HILPDA: variants seen among roughly 807,000 people sequenced by gnomAD.
HILPDA encodes the protein hypoxia-inducible lipid droplet-associated protein.
For missense variants in HILPDA, 72 were observed against 73.5 expected (o/e 0.98, Z 0.08); for synonymous variants, 37 against 33.2 (o/e 1.12, Z -0.40).
In HILPDA at chr7:128,455,941, G is replaced by A. The variant is rs1467632648; in HGVS notation, c.-151G>A. The A allele has an allele frequency of 1.1e-5, 5 of 456,494 alleles. No homozygotes were observed. The highest frequency in any genetic ancestry group is 1.0e-4 in the African/African-American group (5 of 50,072). The allele number at this position is 456,494 out of a possible 1,614,324, so 28.3% of individuals were successfully genotyped here. A position where few individuals can be genotyped will look rare whatever the true frequency, so the allele number is the denominator to read the frequency against. ...TTTGTGGCGGGAAGCTTCTGCGCTG[G>A]TGCTTAGTAACCGACTTTCCTCCGG... On this transcript the variant is annotated 5_prime_UTR_variant, in exon 1 of 2. The change creates a new upstream start codon in the 5' untranslated region. Transcript: ENST00000257696.
chr7:128,457,466 C>A lies in HILPDA; in HGVS notation c.*6C>A, dbSNP rs904070814. 1.9e-6 allele frequency: 3 copies of A among 1,613,660 alleles called. No homozygotes were observed. The highest frequency in any genetic ancestry group is 2.5e-6 in the Non-Finnish European group (3 of 1,179,740). ...ATCCATCCAGAAGCATGTGATAAGA[C>A]CTCCTTCCATACTGGCCATATTTTG... On this transcript the variant is annotated 3_prime_UTR_variant, in exon 2 of 2. Coordinates refer to ENST00000257696, the MANE Select transcript of HILPDA (RefSeq NM_013332.4).
Position 128,457,722 on chromosome 7 carries a change from G to A in HILPDA, c.*262G>A, listed in dbSNP as rs1225456084. On this transcript the variant is annotated 3_prime_UTR_variant, in exon 2 of 2. Coordinates refer to ENST00000257696, the MANE Select transcript of HILPDA (RefSeq NM_013332.4). ...AGGTCAGGAGTTCGAGACCAGCCTC[G>A]CCAACATGGCGAAACCCCATCTCTA... 25 of 313,418 alleles carry A rather than the reference G, an allele frequency of 8.0e-5. No individual in the cohort carries two copies. Among genetic ancestry groups the A allele is most frequent in the Admixed American group, 4.4e-4 (11 of 24,848 alleles). 19.4% of individuals were successfully genotyped at this position (313,418 alleles called of 1,614,324 possible).
At position 128,458,372 on chromosome 7, in the gene HILPDA, G is replaced by A. The variant is rs1799575297; in HGVS notation, c.*912G>A. The A allele has an allele frequency of 6.0e-6, 1 of 166,998 alleles. No homozygotes were observed. Among genetic ancestry groups the A allele is most frequent in the African/African-American group, 2.4e-5 (1 of 41,436 alleles). The allele number at this position is 166,998 out of a possible 1,614,324, so 10.3% of individuals were successfully genotyped here. On this transcript the variant is annotated 3_prime_UTR_variant, in exon 2 of 2. Coordinates refer to ENST00000257696, the MANE Select transcript of HILPDA (RefSeq NM_013332.4). Reference sequence around the variant, plus strand: ...GTTATGGACATTGTGGCCACCATGTGGCTTAAATGATTTTTTCTAACTAAT... The same window carrying A: ...GTTATGGACATTGTGGCCACCATGTAGCTTAAATGATTTTTTCTAACTAAT...
chr7:128,455,974 C>T lies in HILPDA; in HGVS notation c.-118C>T, dbSNP rs763454729. The T allele has an allele frequency of 4.4e-6, 2 of 456,656 alleles. No homozygotes were observed. Among genetic ancestry groups the T allele is most frequent in the South Asian group, 3.1e-5 (2 of 64,564 alleles). 28.3% of individuals were successfully genotyped at this position (456,656 alleles called of 1,614,324 possible). A position where few individuals can be genotyped will look rare whatever the true frequency, so the allele number is the denominator to read the frequency against. On this transcript the variant is annotated 5_prime_UTR_variant, in exon 1 of 2. Coordinates refer to ENST00000257696, the MANE Select transcript of HILPDA (RefSeq NM_013332.4). Reference sequence around the variant, plus strand: ...TAACCGACTTTCCTCCGGACTCCTGCACGACCTGCTCCTACAGCCGGCGAT... The same window carrying T: ...TAACCGACTTTCCTCCGGACTCCTGTACGACCTGCTCCTACAGCCGGCGAT...
intron 1 of HILPDA, chr7:128,456,267 A>G (rs1321094389): frequency 3.3e-6 from 1 of 301,402 alleles, no homozygotes; most frequent in African/African-American, 2.3e-5. Flanking sequence ...ATGCCCTCCC[A>G]GAGCACCTTC....
At position 128,456,082 on chromosome 7, in the gene HILPDA, G is replaced by T. The variant is rs1345004077; in HGVS notation, c.-69+59G>T. The T allele has an allele frequency of 9.5e-6, 4 of 420,220 alleles. No individual in the cohort carries two copies. The East Asian group carries it at 2.9e-4, about 30-fold the overall frequency. The allele number at this position is 420,220 out of a possible 1,614,324, so 26.0% of individuals were successfully genotyped here. On this transcript the variant is annotated intron_variant, in intron 1 of 1. Transcript: ENST00000257696. Reference sequence around the variant, plus strand: ...CCCCCATCGCTAGAGTGCTCGCCGCGCTAGCAGCCTCGCGTTCCAGGGCTG... The same window carrying T: ...CCCCCATCGCTAGAGTGCTCGCCGCTCTAGCAGCCTCGCGTTCCAGGGCTG...
chr7:128,456,079 C>T (rs1799536264), intron 1 of HILPDA, 56 bp downstream of exon 1: 13 of 423,390 alleles, frequency 3.1e-5, no homozygotes, highest in South Asian at 2.1e-4. Context: ...GAGTGCTCGC[C>T]GCGCTAGCAG....
chr7:128,456,265 C>T lies in HILPDA; in HGVS notation c.-69+242C>T, dbSNP rs754234387. 6.2e-4 allele frequency: 187 copies of T among 301,938 alleles called. 1 individual carries two copies. Among genetic ancestry groups the T allele is most frequent in the Middle Eastern group, 1.2e-3 (1 of 814 alleles). The allele number at this position is 301,938 out of a possible 1,614,324, so 18.7% of individuals were successfully genotyped here. A position where few individuals can be genotyped will look rare whatever the true frequency, so the allele number is the denominator to read the frequency against. ...AGTTAGGCATCCCTGCCATGCCCTC[C>T]CAGAGCACCTTCACGATCTCCTTGC... On this transcript the variant is annotated intron_variant, in intron 1 of 1. Coordinates refer to ENST00000257696, the MANE Select transcript of HILPDA (RefSeq NM_013332.4).
intron 1 of HILPDA, chr7:128,456,357 G>C (rs1799541027): frequency 4.8e-6 from 1 of 208,632 alleles, no homozygotes; most frequent in Non-Finnish European, 9.9e-6. Flanking sequence ...TGTGGCCCTA[G>C]TATCTTCCAG....
chr7:128,457,300 G>A lies in HILPDA; in HGVS notation c.32G>A (p.Gly11Asp). 2 of 1,613,914 alleles carry A rather than the reference G, an allele frequency of 1.2e-6. No homozygotes were observed. Among genetic ancestry groups the A allele is most frequent in the Non-Finnish European group, 1.7e-6 (2 of 1,179,906 alleles). The change falls in exon 2 of 2, where the codon GGT (glycine) becomes GAT (aspartate). Residue 11 changes from glycine (G) to aspartate (D), a missense_variant. Physicochemically the swap from Gly to Asp is moderately conservative, Grantham distance 94 (BLOSUM62 -1). Transcript: ENST00000257696. ...CATGTGTTGAACCTCTACCTGTTAG[G>A]TGTGGTACTGACCCTACTCTCCATC... Reference protein sequence around the residue: MKHVLNLYLLGVVLTLLSIFV... With the variant: MKHVLNLYLLDVVLTLLSIFV...
In HILPDA at chr7:128,457,612, C is replaced by T; in HGVS notation, c.*152C>T. The T allele has an allele frequency of 1.3e-6, 1 of 751,996 alleles. No homozygotes were observed. The highest frequency in any genetic ancestry group is 2.7e-5 in the East Asian group (1 of 36,748). 46.6% of individuals were successfully genotyped at this position (751,996 alleles called of 1,614,324 possible). ...ACCTGTCTAACTGGATGCTCATTGCCTGGGCAAGGCCTGTTTAGGCCGGTT... is the reference window on the plus strand; with the variant it reads ...ACCTGTCTAACTGGATGCTCATTGCTTGGGCAAGGCCTGTTTAGGCCGGTT... On this transcript the variant is annotated 3_prime_UTR_variant, in exon 2 of 2. Transcript: ENST00000257696.
Position 128,456,029 on chromosome 7 carries a change from C to G in HILPDA, c.-69+6C>G, listed in dbSNP as rs766092909. ...TCCCGGCTGTTCCCCCGGAGGTGAGCGGCCCTGTGGGCTTCCCCGGCTCCC... is the reference window on the plus strand; with the variant it reads ...TCCCGGCTGTTCCCCCGGAGGTGAGGGGCCCTGTGGGCTTCCCCGGCTCCC... On this transcript the variant is annotated splice_donor_region_variant and intron_variant, in intron 1 of 1. Transcript: ENST00000257696. 4.6e-5 allele frequency: 21 copies of G among 455,462 alleles called. No homozygotes were observed. Among genetic ancestry groups the G allele is most frequent in the South Asian group, 3.1e-4 (20 of 64,468 alleles). 28.2% of individuals were successfully genotyped at this position (455,462 alleles called of 1,614,324 possible).
rs762505264 is a variant in HILPDA, at chr7:128,457,448, C to T, written c.180C>T (p.Ser60=). 10 of 1,614,146 alleles carry T rather than the reference C, an allele frequency of 6.2e-6. No homozygotes were observed. The highest frequency in any genetic ancestry group is 5.0e-5 in the Admixed American group (3 of 60,026). Residue 60 remains serine (S), a synonymous_variant, in exon 2 of 2, where the codon TCC becomes TCT. Coordinates refer to ENST00000257696, the MANE Select transcript of HILPDA (RefSeq NM_013332.4). ...CCAAGGGCCTTCCAGACCATCCATC[C>T]AGAAGCATGTGATAAGACCTCCTTC... ...EPTKGLPDHP[S]RSM is the part of the protein sequence containing the mutation.
In HILPDA at chr7:128,458,371, T is replaced by C. The variant is rs1364123169; in HGVS notation, c.*911T>C. The C allele has an allele frequency of 6.0e-6, 1 of 167,128 alleles. No homozygotes were observed. Among genetic ancestry groups the C allele is most frequent in the Non-Finnish European group, 1.5e-5 (1 of 68,132 alleles). The allele number at this position is 167,128 out of a possible 1,614,324, so 10.4% of individuals were successfully genotyped here. On this transcript the variant is annotated 3_prime_UTR_variant, in exon 2 of 2. Transcript: ENST00000257696. ...AGTTATGGACATTGTGGCCACCATG[T>C]GGCTTAAATGATTTTTTCTAACTAA...
chr7:128,456,953 C>T (rs1322905344), intron 1 of HILPDA, among the ~76,000 whole-genome samples: 1 of 152,198 alleles, frequency 6.6e-6, no homozygotes, highest in East Asian at 1.9e-4. Context: ...TGAGCCACCG[C>T]GCCTGGCCTA....
rs547785215 is a variant in HILPDA at position 128,457,562 on chromosome 7, G to C, written c.*102G>C. 7.2e-6 allele frequency: 8 copies of C among 1,115,298 alleles called. No homozygotes were observed. The highest frequency in any genetic ancestry group is 1.1e-5 in the Non-Finnish European group (8 of 753,248). The allele number at this position is 1,115,298 out of a possible 1,614,324, so 69.1% of individuals were successfully genotyped here. On this transcript the variant is annotated 3_prime_UTR_variant, in exon 2 of 2. Coordinates refer to ENST00000257696, the MANE Select transcript of HILPDA (RefSeq NM_013332.4). ...GACAAGCTGAGCACCGTTGTAACCAGAGAACTATTACTAGGCCTTGAAGAA... is the reference window on the plus strand; with the variant it reads ...GACAAGCTGAGCACCGTTGTAACCACAGAACTATTACTAGGCCTTGAAGAA...
rs1799561808 is a variant in HILPDA, at chr7:128,457,594, T to C, written c.*134T>C. 1.2e-6 allele frequency: 1 copy of C among 842,222 alleles called. No individual in the cohort carries two copies. Among genetic ancestry groups the C allele is most frequent in the Non-Finnish European group, 1.9e-6 (1 of 533,180 alleles). The allele number at this position is 842,222 out of a possible 1,614,324, so 52.2% of individuals were successfully genotyped here. A position where few individuals can be genotyped will look rare whatever the true frequency, so the allele number is the denominator to read the frequency against. On this transcript the variant is annotated 3_prime_UTR_variant, in exon 2 of 2. Transcript: ENST00000257696. Reference sequence around the variant, plus strand: ...ATTACTAGGCCTTGAAGAACCTGTCTAACTGGATGCTCATTGCCTGGGCAA... The same window carrying C: ...ATTACTAGGCCTTGAAGAACCTGTCCAACTGGATGCTCATTGCCTGGGCAA...
At position 128,455,985 on chromosome 7, in the gene HILPDA, C is replaced by T. The variant is rs764380498; in HGVS notation, c.-107C>T. 353 of 456,612 alleles carry T rather than the reference C, an allele frequency of 7.7e-4. 3 individuals carry two copies. Among genetic ancestry groups the T allele is most frequent in the Middle Eastern group, 6.9e-3 (21 of 3,034 alleles). The allele number at this position is 456,612 out of a possible 1,614,324, so 28.3% of individuals were successfully genotyped here. On this transcript the variant is annotated 5_prime_UTR_variant, in exon 1 of 2. Transcript: ENST00000257696. ...CCTCCGGACTCCTGCACGACCTGCT[C>T]CTACAGCCGGCGATCCACTCCCGGC...
At position 128,457,245 on chromosome 7, in the gene HILPDA, C is replaced by T. The variant is rs1799554745; in HGVS notation, c.-24C>T. On this transcript the variant is annotated 5_prime_UTR_variant, in exon 2 of 2. Transcript: ENST00000257696. Reference sequence around the variant, plus strand: ...AGGAGAAGGCAGCTCTGTTTCTCTGCAGAGGAGTAGGGTCCTTTCAGCCAT... The same window carrying T: ...AGGAGAAGGCAGCTCTGTTTCTCTGTAGAGGAGTAGGGTCCTTTCAGCCAT... 6.3e-7 allele frequency: 1 copy of T among 1,591,060 alleles called. No individual in the cohort carries two copies. Among genetic ancestry groups the T allele is most frequent in the African/African-American group, 1.3e-5 (1 of 74,288 alleles).
Sources: allele counts gnomAD v4.1 joint callset (sites outside exome capture counted in the v4.1 genomes callset), GRCh38; gene constraint gnomAD v4.1.1; transcripts MANE v1.5; gene names NCBI Gene and HGNC (gene_info 2026-07-23, HGNC 2026-07-21).